Variants in GRIA1 observed in about 807,000 individuals in gnomAD.
The protein encoded by GRIA1 is glutamate receptor 1.
A neutral mutation model predicts 99.2 loss-of-function variants in GRIA1; 31 were observed. That is an observed-to-expected ratio of 0.31 (90% CI 0.23 to 0.42). GRIA1 has a LOEUF of 0.42. Ranked by LOEUF, GRIA1 falls within the 10% of genes least tolerant of loss-of-function variation. The pLI is 1.00. For missense variants in GRIA1, 782 were observed against 1,157.5 expected, an observed-to-expected ratio of 0.68 and a Z score of 4.71; for synonymous variants, 438 against 432.4, an observed-to-expected ratio of 1.01 and a Z score of -0.16.
rs141576580 is a variant in GRIA1, at chr5:153,697,390, A to C, written c.1135-654A>C. 7.1e-3 allele frequency among the ~76,000 whole-genome samples: 1,079 copies of C among 152,340 alleles called. 5 individuals carry two copies. Among genetic ancestry groups the C allele is most frequent in the Non-Finnish European group, 0.011 (739 of 68,028 alleles). On this transcript the variant is annotated intron_variant, in intron 8 of 15. Coordinates refer to ENST00000285900, the MANE Select transcript of GRIA1 (RefSeq NM_000827.4). ...CCTTGTGCACAATAGCAGTTCAATT[A>C]ATATTTCTTGAAAGACCTTGGAAAA...
intron 14 of GRIA1, among the ~76,000 whole-genome samples, chr5:153,796,743 G>C (rs933165994): frequency 6.6e-6 from 1 of 152,262 alleles, no homozygotes; most frequent in Non-Finnish European, 1.5e-5. Flanking sequence ...CAATGATAAA[G>C]CTGGGCATGA....
At position 153,676,989 on chromosome 5, in the gene GRIA1, A is replaced by T; in HGVS notation, c.862-5A>T. On this transcript the variant is annotated splice_region_variant and splice_polypyrimidine_tract_variant and intron_variant, in intron 6 of 15. Coordinates refer to ENST00000285900, the MANE Select transcript of GRIA1 (RefSeq NM_000827.4). ...ATACCTAACTGTCTCCATTCCTCCC[A>T]CTAGTACACCTCTGCGCTCACCTAC... 2 of 1,412,466 alleles carry T rather than the reference A, an allele frequency of 1.4e-6. No individual in the cohort carries two copies. The highest frequency in any genetic ancestry group is 1.9e-6 in the Non-Finnish European group (2 of 1,070,548). 87.5% of individuals were successfully genotyped at this position (1,412,466 alleles called of 1,614,324 possible). A position where few individuals can be genotyped will look rare whatever the true frequency, so the allele number is the denominator to read the frequency against.
In GRIA1 at chr5:153,730,933, G is replaced by T. The variant is rs566515244; in HGVS notation, c.1823+24866G>T. Among the ~76,000 whole-genome samples, 9 of 152,192 alleles carry T rather than the reference G, an allele frequency of 5.9e-5. No homozygotes were observed. In the South Asian group the frequency reaches 1.9e-3, roughly 32 times the overall value. On this transcript the variant is annotated intron_variant, in intron 11 of 15. Coordinates refer to ENST00000285900, the MANE Select transcript of GRIA1 (RefSeq NM_000827.4). ...CTAGCTTTAATCATTTGAGGGTTTA[G>T]ATCTCAGATTCCAAGGTAACTAGCA...
intron 13 of GRIA1, among the ~76,000 whole-genome samples, chr5:153,785,536 T>C (rs139959394): frequency 6.6e-6 from 1 of 152,280 alleles, no homozygotes; most frequent in East Asian, 1.9e-4. Context: ...ACAGAAGGAA[T>C]ATGTTAACAC....
chr5:153,677,277 A>G (rs1756658768), intron 7 of GRIA1, 116 bp downstream of exon 7: 9 of 796,992 alleles, frequency 1.1e-5, no homozygotes, highest in Non-Finnish European at 1.6e-5. Context: ...GAAGTTCAGA[A>G]CAACCACTGC....
intron 5 of GRIA1, among the ~76,000 whole-genome samples, chr5:153,656,160 G>C (rs1188653891): frequency 6.6e-6 from 1 of 152,034 alleles, no homozygotes; most frequent in African/African-American, 2.4e-5. Context: ...CTTGGCAATA[G>C]GGACAAAATC....
chr5:153,758,465 A>G lies in GRIA1; in HGVS notation c.1824-5969A>G, dbSNP rs541436729. ...AAAAAAATTATAACAAAAAAGACAA[A>G]GAAGGCAATTATATAACGGTAAAGG... On this transcript the variant is annotated intron_variant, in intron 11 of 15. Coordinates refer to ENST00000285900, the MANE Select transcript of GRIA1 (RefSeq NM_000827.4). 2.0e-4 allele frequency among the ~76,000 whole-genome samples: 30 copies of G among 152,122 alleles called. No homozygotes were observed. The South Asian group carries it at 6.0e-3, about 30-fold the overall frequency.
chr5:153,583,521 C>G (rs529998423), intron 2 of GRIA1, among the ~76,000 whole-genome samples: 6 of 152,178 alleles, frequency 3.9e-5, no homozygotes, highest in African/African-American at 1.4e-4. Context: ...CCACATGGCT[C>G]TTTCCCCTCG....
At chr5:153,752,599 C>T (rs1208962287) in intron 11 of GRIA1, among the ~76,000 whole-genome samples, 1 of 152,178 alleles carries the variant, frequency 6.6e-6, no homozygotes, top group Non-Finnish European at 1.5e-5. Flanking sequence ...GCCTTCCTAT[C>T]TTCTCTATCA....
chr5:153,651,316 G>A, intron 4 of GRIA1, among the ~76,000 whole-genome samples: 1 of 152,102 alleles, frequency 6.6e-6, no homozygotes, highest in Non-Finnish European at 1.5e-5. Context: ...TTCCCTTTGA[G>A]AAATCAATTG....
rs115208295 is a variant in GRIA1, at chr5:153,594,968, T to C, written c.221-51960T>C. Among the ~76,000 whole-genome samples the C allele has an allele frequency of 8.9e-3, 1,348 of 152,194 alleles. 7 individuals carry two copies. The highest frequency in any genetic ancestry group is 0.013 in the Non-Finnish European group (884 of 68,004). ...CTTGTGATCTGTGGTTTTATGGCTT[T>C]CTTCTTATTGACTCTACTCACTTCC... On this transcript the variant is annotated intron_variant, in intron 2 of 15. Coordinates refer to ENST00000285900, the MANE Select transcript of GRIA1 (RefSeq NM_000827.4).
intron 2 of GRIA1, among the ~76,000 whole-genome samples, chr5:153,643,925 C>T (rs756630746): frequency 1.3e-5 from 2 of 152,166 alleles, no homozygotes; most frequent in Non-Finnish European, 2.9e-5. Context: ...AAAGTCCTAG[C>T]AAGAAACACC....
At chr5:153,596,764 A>G (rs1445490027) in intron 2 of GRIA1, among the ~76,000 whole-genome samples, 1 of 152,184 alleles carries the variant, frequency 6.6e-6, no homozygotes, top group Non-Finnish European at 1.5e-5. Context: ...AGCCTTAGAG[A>G]TTAAAATGGG....
chr5:153,574,491 G>C (rs1488980535), intron 2 of GRIA1: 1 of 152,064 alleles, frequency 6.6e-6, no homozygotes, highest in Non-Finnish European at 1.5e-5. Context: ...TTTATAGCTT[G>C]TGTGTGAAAA....
chr5:153,635,509 C>T (rs1399319860), intron 2 of GRIA1, among the ~76,000 whole-genome samples: 2 of 152,204 alleles, frequency 1.3e-5, no homozygotes, highest in East Asian at 1.9e-4. Context: ...TACCAGGGCT[C>T]TTTAGTGAAT....
rs1753838427 is a variant in GRIA1, at chr5:153,490,767, C to A, written c.-122C>A. ...TCACGAAAGGAAGGAAGCAAGCAAGCAAGGAAGGAACTGCAGGAGGAAAAG... is the reference window on the plus strand; with the variant it reads ...TCACGAAAGGAAGGAAGCAAGCAAGAAAGGAAGGAACTGCAGGAGGAAAAG... On this transcript the variant is annotated 5_prime_UTR_variant, in exon 1 of 16. Transcript: ENST00000285900. The A allele has an allele frequency of 2.5e-6, 2 of 787,198 alleles. No homozygotes were observed. The highest frequency in any genetic ancestry group is 4.5e-6 in the Non-Finnish European group (2 of 440,214). 48.8% of individuals were successfully genotyped at this position (787,198 alleles called of 1,614,324 possible). A position where few individuals can be genotyped will look rare whatever the true frequency, so the allele number is the denominator to read the frequency against.
chr5:153,617,816 T>G (rs886861011), intron 2 of GRIA1, among the ~76,000 whole-genome samples: 5 of 152,198 alleles, frequency 3.3e-5, no homozygotes, highest in African/African-American at 9.7e-5. Context: ...CTTAAGTCCT[T>G]CTGATACACT....
At chr5:153,660,856 G>T (rs1316024254) in intron 5 of GRIA1, among the ~76,000 whole-genome samples, 1 of 152,068 alleles carries the variant, frequency 6.6e-6, no homozygotes, top group Non-Finnish European at 1.5e-5. Context: ...CTACATTGAT[G>T]GAATTTTATT....
intron 2 of GRIA1, among the ~76,000 whole-genome samples, chr5:153,555,315 G>A (rs1581222834): frequency 6.6e-6 from 1 of 151,214 alleles, no homozygotes; most frequent in East Asian, 1.9e-4. Flanking sequence ...CCACCATTGA[G>A]TGTCACTACA....
Sources: allele counts gnomAD v4.1 joint callset (sites outside exome capture counted in the v4.1 genomes callset), GRCh38; gene constraint gnomAD v4.1.1; transcripts MANE v1.5; gene names NCBI Gene and HGNC (gene_info 2026-07-23, HGNC 2026-07-21).